MPPED2: variants seen among roughly 807,000 people sequenced by gnomAD.
MPPED2 encodes the protein metallophosphoesterase MPPED2.
In MPPED2, 5 loss-of-function variants were observed where a neutral mutation model predicts 33.0. The observed-to-expected ratio is 0.15, with a 90% CI of 0.08 to 0.32. The LOEUF is 0.32. MPPED2 is among the 10% of genes least tolerant of loss of function. The pLI, the probability that MPPED2 is intolerant of heterozygous loss-of-function variation, is 1.00. For synonymous variants in MPPED2, 136 were observed against 141.9 expected, an observed-to-expected ratio of 0.96 and a Z score of 0.29; for missense variants, 275 against 372.1, an observed-to-expected ratio of 0.74 and a Z score of 2.15.
At chr11:30,571,442 T>C (rs1472908776) in intron 2 of MPPED2, among the ~76,000 whole-genome samples, 1 of 152,046 alleles carries the variant, frequency 6.6e-6, no homozygotes, top group Non-Finnish European at 1.5e-5. Context: ...AGTTAGTGTT[T>C]CCACACAGAC....
intron 4 of MPPED2, among the ~76,000 whole-genome samples, chr11:30,448,905 C>CG (rs1949930275): frequency 6.6e-6 from 1 of 151,924 alleles, no homozygotes; most frequent in African/African-American, 2.4e-5. Flanking sequence ...CTGCCTGCCT[C>CG]GGCCTCCCAA....
chr11:30,411,678 G>T lies in MPPED2; in HGVS notation c.767-92C>A, dbSNP rs1036641143. On this transcript the variant is annotated intron_variant, in intron 6 of 6. Coordinates refer to ENST00000358117, the MANE Select transcript of MPPED2 (RefSeq NM_001584.3). ...CAGGCAAGGAAAACAAAAAATTTTT[G>T]TCAGTGGGCAGTGAGATGAAATTCA... 14 of 1,054,302 alleles carry T rather than the reference G, an allele frequency of 1.3e-5. No individual in the cohort carries two copies. In the African/African-American group the frequency reaches 2.2e-4, roughly 17 times the overall value. The allele number at this position is 1,054,302 out of a possible 1,614,324, so 65.3% of individuals were successfully genotyped here.
At chr11:30,551,769 A>G (rs1955724972) in intron 2 of MPPED2, among the ~76,000 whole-genome samples, 1 of 152,228 alleles carries the variant, frequency 6.6e-6, no homozygotes, top group African/African-American at 2.4e-5. Flanking sequence ...AATCCCAAAT[A>G]CACAAACGGA....
chr11:30,497,319 A>G (rs482940), intron 3 of MPPED2, among the ~76,000 whole-genome samples: 114,197 of 152,034 alleles, frequency 0.75, 43,940 homozygotes, highest in African/African-American at 0.93. Context: ...TTTGTGAGAG[A>G]CCCTACAACT....
chr11:30,556,695 C>T (rs1333093328), intron 2 of MPPED2, among the ~76,000 whole-genome samples: 1 of 152,158 alleles, frequency 6.6e-6, no homozygotes, highest in Non-Finnish European at 1.5e-5. Flanking sequence ...TAACACCACT[C>T]ACTTCCTAGG....
chr11:30,559,407 T>A (rs527455156), intron 2 of MPPED2, among the ~76,000 whole-genome samples: 1 of 152,338 alleles, frequency 6.6e-6, no homozygotes, highest in East Asian at 1.9e-4. Flanking sequence ...AAAAAAATGA[T>A]CTTTAAAACC....
At chr11:30,470,832 C>T (rs909790810) in intron 4 of MPPED2, among the ~76,000 whole-genome samples, 2 of 152,156 alleles carry the variant, frequency 1.3e-5, no homozygotes, top group Non-Finnish European at 2.9e-5. Flanking sequence ...TCTTTCCTTG[C>T]TTCTTTCCCA....
chr11:30,583,134 C>CTTTTTTTTTTTTTTTTTTTTTTTTTTT lies in MPPED2; in HGVS notation c.-121-2667_-121-2641dup, dbSNP rs199611856. Among the ~76,000 whole-genome samples the CTTTTTTTTTTTTTTTTTTTTTTTTTTT allele has an allele frequency of 7.2e-5, 7 of 96,712 alleles. 2 individuals are homozygous for CTTTTTTTTTTTTTTTTTTTTTTTTTTT. The highest frequency in any genetic ancestry group is 2.9e-4 in the African/African-American group (6 of 20,682). The allele number at this position is 96,712 out of a possible 152,430, so 63.4% of individuals were successfully genotyped here. A position where few individuals can be genotyped will look rare whatever the true frequency, so the allele number is the denominator to read the frequency against. On this transcript the variant is annotated intron_variant, in intron 1 of 6. Transcript: ENST00000358117. ...CACAAACACCTGGAAAAGACTTTTT[C>CTTTTTTTTTTTTTTTTTTTTTTTTTTT]TTTTTTTTTTTTTTTTTTTTTTTTT...
chr11:30,568,965 C>T (rs1956571960), intron 2 of MPPED2, among the ~76,000 whole-genome samples: 3 of 152,116 alleles, frequency 2.0e-5, no homozygotes, highest in Admixed American at 6.5e-5. Context: ...GCTCCACTTA[C>T]ATGTTGGAGG....
At chr11:30,419,652 G>A (rs1365285700) in intron 4 of MPPED2, among the ~76,000 whole-genome samples, 3 of 152,160 alleles carry the variant, frequency 2.0e-5, no homozygotes, top group Non-Finnish European at 2.9e-5. Context: ...GAGTCTTAGG[G>A]ATGTACATAT....
rs373199038 is a variant in MPPED2 at position 30,463,307 on chromosome 11, C to T, written c.536+31989G>A. On this transcript the variant is annotated intron_variant, in intron 4 of 6. Transcript: ENST00000358117. Reference sequence around the variant, plus strand: ...TATTTCCTACCCCCAGTAAACAGCTCGTAGTGGACATTTGTTAGTTGGTTT... The same window carrying T: ...TATTTCCTACCCCCAGTAAACAGCTTGTAGTGGACATTTGTTAGTTGGTTT... 2.4e-4 allele frequency among the ~76,000 whole-genome samples: 37 copies of T among 152,276 alleles called. No individual in the cohort carries two copies. The East Asian group carries it at 3.5e-3, about 14-fold the overall frequency.
chr11:30,405,563 T>C (rs540052712), downstream of MPPED2, among the ~76,000 whole-genome samples: 2 of 152,114 alleles, frequency 1.3e-5, no homozygotes, highest in Admixed American at 1.3e-4. Context: ...GCAACCCTAA[T>C]TCAGGAAGGA....
chr11:30,534,908 A>G (rs150444943), intron 3 of MPPED2, among the ~76,000 whole-genome samples: 1 of 152,342 alleles, frequency 6.6e-6, no homozygotes, highest in East Asian at 1.9e-4. Flanking sequence ...ATTAAAAAGA[A>G]TATGAAAATT....
chr11:30,535,792 G>A (rs1289214118), intron 3 of MPPED2, among the ~76,000 whole-genome samples: 3 of 152,020 alleles, frequency 2.0e-5, no homozygotes, highest in South Asian at 4.1e-4. Flanking sequence ...CCAAGGCCAG[G>A]CACTGAAAGG....
At chr11:30,562,205 A>T (rs1290501120) in intron 2 of MPPED2, among the ~76,000 whole-genome samples, 9 of 152,176 alleles carry the variant, frequency 5.9e-5, no homozygotes. Flanking sequence ...AACTCCCACA[A>T]CCAAGCAAAA....
At chr11:30,503,828 G>A (rs575639636) in intron 3 of MPPED2, among the ~76,000 whole-genome samples, 177 of 152,236 alleles carry the variant, frequency 1.2e-3, no homozygotes, top group African/African-American at 4.1e-3. Context: ...ATAGCAGGAG[G>A]AAAAACAACA....
chr11:30,478,788 A>C (rs1951338641), intron 4 of MPPED2, among the ~76,000 whole-genome samples: 1 of 152,158 alleles, frequency 6.6e-6, no homozygotes, highest in Non-Finnish European at 1.5e-5. Flanking sequence ...TGTCTTAGAC[A>C]CGTGGTTAAT....
At chr11:30,564,396 A>G (rs1956356290) in intron 2 of MPPED2, among the ~76,000 whole-genome samples, 1 of 152,208 alleles carries the variant, frequency 6.6e-6, no homozygotes, top group Admixed American at 6.5e-5. Context: ...CGTCCCCAGA[A>G]AATTTGGTAG....
rs1443667991 is a variant in MPPED2 at position 30,553,967 on chromosome 11, C to G, written c.129-17792G>C. Among the ~76,000 whole-genome samples, 4 of 152,276 alleles carry G rather than the reference C, an allele frequency of 2.6e-5. No individual in the cohort carries two copies. In the East Asian group the frequency reaches 7.7e-4, roughly 29 times the overall value. ...GGTCAAGGACCTAGAGATTAAGAAC[C>G]TAGGACTATTGCTTCTTTTTGTTAA... On this transcript the variant is annotated intron_variant, in intron 2 of 6. Coordinates refer to ENST00000358117, the MANE Select transcript of MPPED2 (RefSeq NM_001584.3).
Sources: allele counts gnomAD v4.1 joint callset (sites outside exome capture counted in the v4.1 genomes callset), GRCh38; gene constraint gnomAD v4.1.1; transcripts MANE v1.5; gene names NCBI Gene and HGNC (gene_info 2026-07-23, HGNC 2026-07-21).